The following PCDHA1 variants were observed in gnomAD, a reference collection of about 807,000 sequenced individuals.
The protein encoded by PCDHA1 is protocadherin alpha 1.
A neutral mutation model predicts 61.3 loss-of-function variants in PCDHA1; 42 were observed. That is an observed-to-expected ratio of 0.69 (90% CI 0.54 to 0.89). PCDHA1 has a LOEUF of 0.89. PCDHA1 is among the 40% of genes least tolerant of loss of function. The probability of loss-of-function intolerance (pLI) is 0.00; values close to 1 mark genes in which losing one functional copy is unlikely to be tolerated. For synonymous variants in PCDHA1, 610 were observed against 553.8 expected, an observed-to-expected ratio of 1.10 and a Z score of -1.43; for missense variants, 1,256 against 1,235.3, an observed-to-expected ratio of 1.02 and a Z score of -0.25.
At chr5:140,850,300 G>T in intron 1 of PCDHA1, 2 of 1,596,680 alleles carry the variant, frequency 1.3e-6, no homozygotes, top group Non-Finnish European at 1.7e-6. Context: ...GCCGACTCGG[G>T]CTACAACGCG....
At chr5:140,808,081 T>C (rs782221936) in intron 1 of PCDHA1, 2 of 1,614,036 alleles carry the variant, frequency 1.2e-6, no homozygotes, top group Non-Finnish European at 1.7e-6. Flanking sequence ...TAGATCCAAT[T>C]ACTGGACAAA....
intron 3 of PCDHA1, among the ~76,000 whole-genome samples, chr5:141,003,476 C>G (rs555987176): frequency 1.3e-3 from 191 of 152,130 alleles, no homozygotes; most frequent in African/African-American, 4.3e-3. Context: ...CACAGTCTCG[C>G]TAATTTTTAT....
At chr5:140,828,868 A>C (rs2150159901) in intron 1 of PCDHA1, 5 of 1,614,142 alleles carry the variant, frequency 3.1e-6, no homozygotes, top group Non-Finnish European at 1.7e-6. Flanking sequence ...ACAACGGAAC[A>C]ACAGTTATCA....
At chr5:140,829,654 G>T in intron 1 of PCDHA1, 1 of 1,612,542 alleles carries the variant, frequency 6.2e-7, no homozygotes, top group Non-Finnish European at 8.5e-7. Context: ...ACGCGCTGCA[G>T]CCGCTGGACC....
intron 1 of PCDHA1, among the ~76,000 whole-genome samples, chr5:140,873,515 C>A (rs2054335003): frequency 6.6e-6 from 1 of 152,056 alleles, no homozygotes; most frequent in African/African-American, 2.4e-5. Context: ...ATACTTAATG[C>A]CAAGATTGCA....
chr5:140,880,891 C>T (rs1475261918), intron 1 of PCDHA1, among the ~76,000 whole-genome samples: 2 of 151,984 alleles, frequency 1.3e-5, no homozygotes, highest in Non-Finnish European at 2.9e-5. Flanking sequence ...AATGTAGGGC[C>T]AGATAGAAAG....
At chr5:140,915,023 G>A (rs1273717052) in intron 1 of PCDHA1, among the ~76,000 whole-genome samples, 3 of 147,742 alleles carry the variant, frequency 2.0e-5, no homozygotes, top group African/African-American at 7.5e-5. Context: ...TTGGCTCACT[G>A]CAACTTCTGC....
intron 3 of PCDHA1, among the ~76,000 whole-genome samples, chr5:140,987,107 G>A (rs936936352): frequency 6.6e-6 from 1 of 151,876 alleles, no homozygotes; most frequent in Non-Finnish European, 1.5e-5. Flanking sequence ...CCAGCTACTC[G>A]GGAGGCTGAG....
At chr5:140,841,648 C>T in intron 1 of PCDHA1, 1 of 1,614,112 alleles carries the variant, frequency 6.2e-7, no homozygotes, top group East Asian at 2.2e-5. Flanking sequence ...TGGAGGTGAT[C>T]GTGGACAGGC....
At chr5:140,832,628 G>T (rs2150202916) in intron 1 of PCDHA1, among the ~76,000 whole-genome samples, 2 of 152,228 alleles carry the variant, frequency 1.3e-5, no homozygotes, top group South Asian at 2.1e-4. Flanking sequence ...TTTTTAAAAA[G>T]TTCCTAGGAG....
intron 1 of PCDHA1, among the ~76,000 whole-genome samples, chr5:140,942,323 T>C (rs1489572732): frequency 6.6e-6 from 1 of 151,970 alleles, no homozygotes; most frequent in Non-Finnish European, 1.5e-5. Flanking sequence ...GGCACAAGAA[T>C]CACTTGAACC....
At chr5:140,870,139 T>C in intron 1 of PCDHA1, 1 of 1,613,992 alleles carries the variant, frequency 6.2e-7, no homozygotes, top group Non-Finnish European at 8.5e-7. Flanking sequence ...CAACGATAAC[T>C]CTCCTGAAGT....
chr5:140,786,739 C>G lies in PCDHA1; in HGVS notation c.449C>G (p.Ser150Trp). ...IFIPESRLLNSRFPIEGAADA... is the reference protein window; with the variant it reads ...IFIPESRLLNWRFPIEGAADA... ...ATTCCTGAATCTAGACTCCTGAATT[C>G]GCGTTTTCCGATAGAAGGAGCTGCT... Residue 150 changes from serine to tryptophan, a missense_variant, in exon 1 of 4, where the codon TCG becomes TGG. By Grantham distance (177) the Ser-to-Trp change is radical (BLOSUM62 -3). Transcript: ENST00000504120. 1 of 1,614,224 alleles carries G rather than the reference C, an allele frequency of 6.2e-7. No homozygotes were observed. Among genetic ancestry groups the G allele is most frequent in the Non-Finnish European group, 8.5e-7 (1 of 1,180,040 alleles).
intron 1 of PCDHA1, chr5:140,802,604 G>C: frequency 1.2e-6 from 2 of 1,614,102 alleles, no homozygotes; most frequent in Non-Finnish European, 1.7e-6. Context: ...AGAACAACCC[G>C]CCGGGCTGCC....
rs535981750 is a variant in PCDHA1 at position 140,934,094 on chromosome 5, GCTTT to G, written c.2395-44852_2395-44849del. Among the ~76,000 whole-genome samples, 58 of 151,890 alleles carry G rather than the reference GCTTT, an allele frequency of 3.8e-4. 1 individual carries two copies. The highest frequency in any genetic ancestry group is 6.8e-3 in the Middle Eastern group (2 of 292). ...TTTGGGTTCGCTTTGTTGTATGTTT[GCTTT>G]CTATTTTATTAATTTTCATACTTTA... On this transcript the variant is annotated intron_variant, in intron 1 of 3. Transcript: ENST00000504120.
intron 1 of PCDHA1, among the ~76,000 whole-genome samples, chr5:140,839,820 G>A (rs899482827): frequency 6.6e-6 from 1 of 151,928 alleles, no homozygotes; most frequent in Non-Finnish European, 1.5e-5. Context: ...CTACTATGAA[G>A]GCATTCATGA....
rs1314333890 is a variant in PCDHA1, at chr5:141,000,908, T to TA, written c.2543-8708dup. ...GGGCAACAGATATAGACGCTGTCTCTAAAAAAAAAAATCCTGTGTGATTTA... is the reference window on the plus strand; with the variant it reads ...GGGCAACAGATATAGACGCTGTCTCTAAAAAAAAAAAATCCTGTGTGATTTA... On this transcript the variant is annotated intron_variant, in intron 3 of 3. Coordinates refer to ENST00000504120, the MANE Select transcript of PCDHA1 (RefSeq NM_018900.4). Among the ~76,000 whole-genome samples the TA allele has an allele frequency of 4.2e-4, 62 of 147,094 alleles. 1 individual carries two copies. Among genetic ancestry groups the TA allele is most frequent in the South Asian group, 3.0e-3 (14 of 4,626 alleles).
In PCDHA1 at chr5:140,803,589, A is replaced by G. The variant is rs782421319; in HGVS notation, c.2394+14905A>G. 4 of 1,614,222 alleles carry G rather than the reference A, an allele frequency of 2.5e-6. No individual in the cohort carries two copies. The Admixed American group carries it at 6.7e-5, about 27-fold the overall frequency. Reference sequence around the variant, plus strand: ...GGATGTGGACGTTGATCTCTCAGCCAAAGTGAGTAATTTTTATTTATTCTT... The same window carrying G: ...GGATGTGGACGTTGATCTCTCAGCCGAAGTGAGTAATTTTTATTTATTCTT... On this transcript the variant is annotated intron_variant, in intron 1 of 3. Coordinates refer to ENST00000504120, the MANE Select transcript of PCDHA1 (RefSeq NM_018900.4).
In PCDHA1 at chr5:140,876,716, G is replaced by T. The variant is rs374218090; in HGVS notation, c.2394+88032G>T. The T allele has an allele frequency of 9.3e-6, 15 of 1,614,132 alleles. No individual in the cohort carries two copies. The African/African-American group carries it at 1.2e-4, about 13-fold the overall frequency. ...TTGGTGCTGGACAGCGCCCTGGACC[G>T]CGAGAGCGTGTCGGCCTATGAGCTG... On this transcript the variant is annotated intron_variant, in intron 1 of 3. Coordinates refer to ENST00000504120, the MANE Select transcript of PCDHA1 (RefSeq NM_018900.4).
Sources: allele counts gnomAD v4.1 joint callset (sites outside exome capture counted in the v4.1 genomes callset), GRCh38; gene constraint gnomAD v4.1.1; transcripts MANE v1.5; gene names NCBI Gene and HGNC (gene_info 2026-07-23, HGNC 2026-07-21).